Variants in PPIP5K2 observed in about 807,000 individuals in gnomAD.
PPIP5K2 encodes the protein diphosphoinositol pentakisphosphate kinase 2, also known as inositol hexakisphosphate and diphosphoinositol-pentakisphosphate kinase 2.
A neutral mutation model predicts 154.6 loss-of-function variants in PPIP5K2; 105 were observed. The observed-to-expected ratio is 0.68, with a 90% CI of 0.58 to 0.80. The LOEUF (loss-of-function observed/expected upper bound fraction) is 0.80. Ranked by LOEUF, PPIP5K2 falls within the 30% of genes least tolerant of loss-of-function variation. PPIP5K2 has a pLI of 0.00. For missense variants in PPIP5K2, 992 were observed against 1,504.6 expected, an observed-to-expected ratio of 0.66 and a Z score of 5.64; for synonymous variants, 480 against 490.3, an observed-to-expected ratio of 0.98 and a Z score of 0.28.
chr5:103,164,794 AACTT>A (rs1796889035), intron 17 of PPIP5K2, among the ~76,000 whole-genome samples: 2 of 152,124 alleles, frequency 1.3e-5, no homozygotes, highest in Admixed American at 6.6e-5. Context: ...ATATTGTAGA[AACTT>A]ACTTAATGTG....
In PPIP5K2 at chr5:103,155,877, TG is replaced by T. The variant is rs782740217; in HGVS notation, c.1404-31del. 8.8e-6 allele frequency: 12 copies of T among 1,358,708 alleles called. No homozygotes were observed. In the African/African-American group the frequency reaches 1.1e-4, roughly 13 times the overall value. The allele number at this position is 1,358,708 out of a possible 1,614,324, so 84.2% of individuals were successfully genotyped here. On this transcript the variant is annotated intron_variant, in intron 13 of 30. Coordinates refer to ENST00000358359, the MANE Select transcript of PPIP5K2 (RefSeq NM_001276277.3). Reference sequence around the variant, plus strand: ...ATGTGAGAATTAGTTTTTCCCTACATGTTCTATTCTGTTTATCATTTTATTT... The same window carrying T: ...ATGTGAGAATTAGTTTTTCCCTACATTTCTATTCTGTTTATCATTTTATTT...
rs555455672 is a variant in PPIP5K2 at position 103,202,184 on chromosome 5, T to C, written c.*550T>C. ...GAGTATTAGCCACATGGGTTATTTT[T>C]TCAATCTGTGTTTTGAATTTTTTTA... On this transcript the variant is annotated 3_prime_UTR_variant, in exon 31 of 31. Coordinates refer to ENST00000358359, the MANE Select transcript of PPIP5K2 (RefSeq NM_001276277.3). 5.8e-4 allele frequency: 89 copies of C among 152,792 alleles called. No homozygotes were observed. Among genetic ancestry groups the C allele is most frequent in the African/African-American group, 2.1e-3 (87 of 41,584 alleles). 9.5% of individuals were successfully genotyped at this position (152,792 alleles called of 1,614,324 possible).
Position 103,183,349 on chromosome 5 carries a change from C to T in PPIP5K2, c.3038C>T (p.Ser1013Phe). The change falls in exon 25 of 31, where the codon TCC (serine) becomes TTC (phenylalanine). Residue 1013 changes from serine (S) to phenylalanine (F), a missense_variant. This residue lies in a region of PPIP5K2 where 204 missense variants were observed against 224.0 expected (regional missense o/e 0.91). Coordinates refer to ENST00000358359, the MANE Select transcript of PPIP5K2 (RefSeq NM_001276277.3). Reference sequence around the variant, plus strand: ...AGATCAGGGGAACAAATCACTTCTTCCCCTGTCTCCCCCAAATCATTGGCT... The same window carrying T: ...AGATCAGGGGAACAAATCACTTCTTTCCCTGTCTCCCCCAAATCATTGGCT... ...RRRSGEQITSSPVSPKSLAFT... is the reference protein window; with the variant it reads ...RRRSGEQITSFPVSPKSLAFT... 2 of 1,610,968 alleles carry T rather than the reference C, an allele frequency of 1.2e-6. No homozygotes were observed. Among genetic ancestry groups the T allele is most frequent in the Non-Finnish European group, 1.7e-6 (2 of 1,178,996 alleles).
At chr5:103,197,698 C>G (rs1314662943) in intron 30 of PPIP5K2, among the ~76,000 whole-genome samples, 2 of 150,468 alleles carry the variant, frequency 1.3e-5, no homozygotes, top group Non-Finnish European at 3.0e-5. Flanking sequence ...GTCTCGGCCT[C>G]CTAAGTAGCT....
intron 10 of PPIP5K2, among the ~76,000 whole-genome samples, chr5:103,153,099 A>G (rs1386649804): frequency 6.6e-6 from 1 of 151,904 alleles, no homozygotes; most frequent in Non-Finnish European, 1.5e-5. Flanking sequence ...GTTTTATAAC[A>G]TTCTCTTACT....
intron 27 of PPIP5K2, among the ~76,000 whole-genome samples, chr5:103,186,853 T>A (rs1431101077): frequency 5.3e-5 from 8 of 152,144 alleles, no homozygotes; most frequent in African/African-American, 1.9e-4. Flanking sequence ...AATATTTTTA[T>A]AAAAATAAAC....
Position 103,205,366 on chromosome 5 carries a change from G to A in PPIP5K2, c.*3732G>A, listed in dbSNP as rs1554232076. 1 of 152,102 alleles carries A rather than the reference G, an allele frequency of 6.6e-6. No homozygotes were observed. The highest frequency in any genetic ancestry group is 1.9e-4 in the East Asian group (1 of 5,196). The allele number at this position is 152,102 out of a possible 1,614,324, so 9.4% of individuals were successfully genotyped here. On this transcript the variant is annotated 3_prime_UTR_variant, in exon 31 of 31. Coordinates refer to ENST00000358359, the MANE Select transcript of PPIP5K2 (RefSeq NM_001276277.3). ...TCCTTTGGGTATATACCCAGTAATG[G>A]GATGGCTGGGTCAAATGGTATTTCT...
At chr5:103,193,869 C>G (rs1225542196) in intron 29 of PPIP5K2, among the ~76,000 whole-genome samples, 2 of 152,100 alleles carry the variant, frequency 1.3e-5, no homozygotes, top group African/African-American at 4.8e-5. Context: ...TTTGGCCTGT[C>G]CTTGCCCAGA....
chr5:103,130,620 G>A (rs1394428961), intron 2 of PPIP5K2, among the ~76,000 whole-genome samples: 10 of 152,098 alleles, frequency 6.6e-5, no homozygotes, highest in South Asian at 2.1e-4. Context: ...TCAACGCAGA[G>A]CACCTTTGCT....
chr5:103,183,208 TTTTTTGCC>T lies in PPIP5K2; in HGVS notation c.2923-25_2923-18del. The T allele has an allele frequency of 1.3e-6, 1 of 776,368 alleles. No homozygotes were observed. Among genetic ancestry groups the T allele is most frequent in the Non-Finnish European group, 1.7e-6 (1 of 575,978 alleles). 48.1% of individuals were successfully genotyped at this position (776,368 alleles called of 1,614,324 possible). A position where few individuals can be genotyped will look rare whatever the true frequency, so the allele number is the denominator to read the frequency against. Reference sequence around the variant, plus strand: ...TTTTTTTTTTTTTTTTTTTTTTTTTTTTTTTGCCCCCTTTCTCACTTCCAGGAAGAGAG... The same window carrying T: ...TTTTTTTTTTTTTTTTTTTTTTTTTTCCCTTTCTCACTTCCAGGAAGAGAG... On this transcript the variant is annotated intron_variant, in intron 24 of 30. Transcript: ENST00000358359.
intron 29 of PPIP5K2, among the ~76,000 whole-genome samples, chr5:103,193,288 T>G (rs1801546988): frequency 6.6e-6 from 1 of 152,108 alleles, no homozygotes; most frequent in Non-Finnish European, 1.5e-5. Context: ...GGAATACTAT[T>G]TATTAAATTA....
At chr5:103,185,876 A>G (rs2149776387) in intron 26 of PPIP5K2, among the ~76,000 whole-genome samples, 1 of 152,018 alleles carries the variant, frequency 6.6e-6, no homozygotes, top group African/African-American at 2.4e-5. Context: ...TGTCATTTAT[A>G]GACATACATT....
At chr5:103,159,100 C>A in intron 16 of PPIP5K2, 46 bp from the exon 17 acceptor site, 1 of 1,276,444 alleles carries the variant, frequency 7.8e-7, no homozygotes, top group Admixed American at 2.5e-5. Context: ...TATTATTTTA[C>A]GTATTAATTT....
rs115276914 is a variant in PPIP5K2 at position 103,155,810 on chromosome 5, G to A, written c.1404-99G>A. 5.2e-4 allele frequency: 403 copies of A among 779,154 alleles called. 3 individuals carry two copies. In the African/African-American group the frequency reaches 6.2e-3, roughly 12 times the overall value. The allele number at this position is 779,154 out of a possible 1,614,324, so 48.3% of individuals were successfully genotyped here. On this transcript the variant is annotated intron_variant, in intron 13 of 30. Coordinates refer to ENST00000358359, the MANE Select transcript of PPIP5K2 (RefSeq NM_001276277.3). ...CAATTTTTTTTTGATAGAATATTTC[G>A]AAGAATTAAACAGGCGGTTACAAAT...
intron 24 of PPIP5K2, among the ~76,000 whole-genome samples, chr5:103,180,523 A>T (rs1183440394): frequency 2.0e-5 from 3 of 151,910 alleles, no homozygotes; most frequent in Non-Finnish European, 2.9e-5. Context: ...AATTTTTTTT[A>T]AAAGCCTGAT....
chr5:103,173,810 T>G, intron 20 of PPIP5K2, 48 bp from the exon 21 acceptor site: 1 of 1,214,714 alleles, frequency 8.2e-7, no homozygotes, highest in Non-Finnish European at 1.2e-6. Context: ...ATTTAGTGAG[T>G]TTTTGATTAT....
rs1554201973 is a variant in PPIP5K2 at position 103,129,622 on chromosome 5, A to G, written c.33A>G (p.Pro11=). The G allele has an allele frequency of 8.7e-6, 14 of 1,608,426 alleles. No homozygotes were observed. The highest frequency in any genetic ancestry group is 3.3e-4 in the Middle Eastern group (2 of 6,002). MSEAPRFFVG[P]EDTEINPGNY... is the part of the protein sequence containing the mutation. ...AAGCCCCCAGATTCTTCGTTGGACC[A>G]GAAGATACAGAAATAAATCCTGGAA... Residue 11 remains proline, a synonymous_variant, in exon 2 of 31, where the codon CCA becomes CCG. Transcript: ENST00000358359.
chr5:103,150,539 T>TGA (rs782027060), intron 8 of PPIP5K2, among the ~76,000 whole-genome samples: 9 of 152,110 alleles, frequency 5.9e-5, no homozygotes, highest in Non-Finnish European at 1.2e-4. Flanking sequence ...TTGGGGGTGC[T>TGA]GAGGTAGGTG....
At position 103,168,278 on chromosome 5, in the gene PPIP5K2, G is replaced by A. The variant is rs781845384; in HGVS notation, c.2269G>A (p.Asp757Asn). 1.9e-6 allele frequency: 3 copies of A among 1,600,248 alleles called. No homozygotes were observed. The highest frequency in any genetic ancestry group is 1.7e-6 in the Non-Finnish European group (2 of 1,169,778). Residue 757 changes from aspartate to asparagine, a missense_variant, in exon 19 of 31, where the codon GAT becomes AAT. Asp to Asn is a conservative substitution (Grantham distance 23). This residue lies in a region of PPIP5K2 where 157 missense variants were observed against 281.2 expected (regional missense o/e 0.56). Transcript: ENST00000358359. ...ATATAGGCTTTCGAAGGCATTAGCA[G>A]ATATTGTTATCCCTCAGGTAAGTCA... ...ELYRLSKALA[D>N]IVIPQEYGIT... is the part of the protein sequence containing the mutation.
Sources: allele counts gnomAD v4.1 joint callset (sites outside exome capture counted in the v4.1 genomes callset), GRCh38; gene constraint gnomAD v4.1.1; regional missense constraint gnomAD v4.1.1; transcripts MANE v1.5; gene names NCBI Gene and HGNC (gene_info 2026-07-23, HGNC 2026-07-21).